Variants in PARD6G observed in about 807,000 individuals in gnomAD.
PARD6G encodes the protein par-6 family cell polarity regulator gamma.
PARD6G carries 7 observed loss-of-function variants against 10.7 expected under a neutral mutation model. The observed-to-expected ratio is 0.66, with a 90% CI of 0.37 to 1.23. PARD6G has a LOEUF of 1.23. Ranked by LOEUF, PARD6G falls within the 50% of genes most tolerant of loss-of-function variation. The pLI is 0.02. For missense variants in PARD6G, 548 were observed against 571.8 expected, an observed-to-expected ratio of 0.96 and a Z score of 0.42; for synonymous variants, 287 against 269.4, an observed-to-expected ratio of 1.07 and a Z score of -0.64.
chr18:80,179,353 C>T (rs1270702149), intron 2 of PARD6G, among the ~76,000 whole-genome samples: 3 of 152,072 alleles, frequency 2.0e-5, no homozygotes, highest in Non-Finnish European at 4.4e-5. Flanking sequence ...ATGAGCTCAT[C>T]TCTGGAGGCC....
chr18:80,206,100 A>G (rs1967051445), intron 1 of PARD6G, among the ~76,000 whole-genome samples: 3 of 152,232 alleles, frequency 2.0e-5, no homozygotes, highest in Admixed American at 2.0e-4. Flanking sequence ...AGTACGTTCA[A>G]TAATTTTCTC....
chr18:80,235,389 G>A, intron 1 of PARD6G, among the ~76,000 whole-genome samples: 1 of 151,990 alleles, frequency 6.6e-6, no homozygotes, highest in South Asian at 2.1e-4. Flanking sequence ...AGCACTAAAT[G>A]CCCACAGGAG....
chr18:80,216,533 G>T (rs573925192), intron 1 of PARD6G, among the ~76,000 whole-genome samples: 22 of 152,018 alleles, frequency 1.4e-4, no homozygotes, highest in African/African-American at 5.1e-4. Context: ...GAATTAAAAA[G>T]AAATCACAGA....
intron 1 of PARD6G, among the ~76,000 whole-genome samples, chr18:80,208,316 C>A (rs1190618042): frequency 1.3e-5 from 2 of 152,136 alleles, no homozygotes; most frequent in Non-Finnish European, 2.9e-5. Context: ...TTTCAAAATT[C>A]TTTCAGGCTT....
intron 1 of PARD6G, among the ~76,000 whole-genome samples, chr18:80,233,286 A>G (rs1967380096): frequency 6.6e-6 from 1 of 152,168 alleles, no homozygotes; most frequent in Non-Finnish European, 1.5e-5. Flanking sequence ...TTCAGCATCA[A>G]TCACTCATGT....
chr18:80,238,500 A>AC (rs1013820387), intron 1 of PARD6G, among the ~76,000 whole-genome samples: 22 of 152,108 alleles, frequency 1.4e-4, no homozygotes, highest in Non-Finnish European at 2.1e-4. Flanking sequence ...ACAAAAAAAA[A>AC]AACAACTATT....
intron 1 of PARD6G, among the ~76,000 whole-genome samples, chr18:80,238,704 C>G (rs1396669155): frequency 6.6e-6 from 1 of 152,046 alleles, no homozygotes; most frequent in Non-Finnish European, 1.5e-5. Context: ...CTGTAATACA[C>G]TCACTGAACA....
chr18:80,164,152 C>T (rs1427401508), intron 2 of PARD6G, among the ~76,000 whole-genome samples: 1 of 152,188 alleles, frequency 6.6e-6, no homozygotes, highest in Admixed American at 6.5e-5. Context: ...GAGCCTGGAC[C>T]CTCACCTCCT....
chr18:80,181,601 T>TC lies in PARD6G; in HGVS notation c.296-20996dup, dbSNP rs1314472276. ...CAGCAGATCGGATCTACCTCCCCTC[T>TC]CCCAACAAGGAGGGTCTCCTCCCCA... On this transcript the variant is annotated intron_variant, in intron 2 of 2. Coordinates refer to ENST00000353265, the MANE Select transcript of PARD6G (RefSeq NM_032510.4). The surrounding 1 kb of genome is among the most constrained non-coding windows in gnomAD (Gnocchi z 7.9). Among the ~76,000 whole-genome samples, 1 of 151,908 alleles carries TC rather than the reference T, an allele frequency of 6.6e-6. No homozygotes were observed. The highest frequency in any genetic ancestry group is 1.5e-5 in the Non-Finnish European group (1 of 67,956).
chr18:80,206,374 G>T (rs1348523422), intron 1 of PARD6G, among the ~76,000 whole-genome samples: 1 of 152,174 alleles, frequency 6.6e-6, no homozygotes, highest in East Asian at 1.9e-4. Flanking sequence ...GATTAAACAA[G>T]AGTCCTCTAA....
At chr18:80,229,158 T>C (rs1212742697) in intron 1 of PARD6G, among the ~76,000 whole-genome samples, 2 of 152,144 alleles carry the variant, frequency 1.3e-5, no homozygotes, top group Non-Finnish European at 2.9e-5. Context: ...CAGGCTGGTC[T>C]TGCACTCCTG....
chr18:80,242,375 T>C (rs961762837), intron 1 of PARD6G, among the ~76,000 whole-genome samples: 3 of 152,230 alleles, frequency 2.0e-5, no homozygotes, highest in Admixed American at 6.5e-5. Flanking sequence ...AGGCCTGGCC[T>C]CAGCTCCATC....
chr18:80,187,442 T>G (rs4799141), intron 2 of PARD6G, among the ~76,000 whole-genome samples: 1 of 152,084 alleles, frequency 6.6e-6, no homozygotes, highest in African/African-American at 2.4e-5. Context: ...CATGTAACCA[T>G]GAGCTTCAGC....
At chr18:80,197,497 C>T (rs1341970786) in intron 2 of PARD6G, 1 of 152,200 alleles carries the variant, frequency 6.6e-6, no homozygotes, top group Non-Finnish European at 1.5e-5. Context: ...CAGCCATACG[C>T]AAACGGGCAA....
chr18:80,206,096 T>C (rs1268002654), intron 1 of PARD6G, among the ~76,000 whole-genome samples: 1 of 152,212 alleles, frequency 6.6e-6, no homozygotes, highest in Non-Finnish European at 1.5e-5. Flanking sequence ...TCTCAGTACG[T>C]TCAATAATTT....
intron 2 of PARD6G, among the ~76,000 whole-genome samples, chr18:80,186,189 C>A (rs2052875897): frequency 6.7e-6 from 1 of 148,216 alleles, no homozygotes; most frequent in Non-Finnish European, 1.5e-5. Context: ...CACACATGCA[C>A]CCTCACACAC....
In PARD6G at chr18:80,188,830, C is replaced by A. The variant is rs149430222; in HGVS notation, c.295+13880G>T. ...GAGACAAGCCCACGAGATGGGCTTGCGGGGAAGTCAGGCGGGTGCAATCCC... is the reference window on the plus strand; with the variant it reads ...GAGACAAGCCCACGAGATGGGCTTGAGGGGAAGTCAGGCGGGTGCAATCCC... On this transcript the variant is annotated intron_variant, in intron 2 of 2. Coordinates refer to ENST00000353265, the MANE Select transcript of PARD6G (RefSeq NM_032510.4). The surrounding 1 kb of genome is among the most constrained non-coding windows in gnomAD (Gnocchi z 5.4). 2.0e-4 allele frequency among the ~76,000 whole-genome samples: 30 copies of A among 152,134 alleles called. No individual in the cohort carries two copies. Among genetic ancestry groups the A allele is most frequent in the Non-Finnish European group, 4.0e-4 (27 of 68,020 alleles).
rs751221732 is a variant in PARD6G at position 80,182,971 on chromosome 18, C to G, written c.295+19739G>C. 1.3e-4 allele frequency: 83 copies of G among 631,350 alleles called. No homozygotes were observed. The highest frequency in any genetic ancestry group is 4.1e-4 in the Middle Eastern group (1 of 2,418). The allele number at this position is 631,350 out of a possible 1,614,324, so 39.1% of individuals were successfully genotyped here. A position where few individuals can be genotyped will look rare whatever the true frequency, so the allele number is the denominator to read the frequency against. On this transcript the variant is annotated intron_variant, in intron 2 of 2. Coordinates refer to ENST00000353265, the MANE Select transcript of PARD6G (RefSeq NM_032510.4). This position sits in a 1 kb window ranked among gnomAD's most constrained non-coding sequence, Gnocchi z 4.5. The stretch of plus-strand genomic sequence containing the variant: ...CACGCAGCCAGACGCCCCTCCCAGT[C>G]CTCCTTCGTCCTGACGTGGCTCCCA...
chr18:80,164,476 C>T (rs2052722126), intron 2 of PARD6G, among the ~76,000 whole-genome samples: 2 of 152,226 alleles, frequency 1.3e-5, no homozygotes, highest in Non-Finnish European at 2.9e-5. Context: ...CCACACTGCT[C>T]TTCACGTCAC....
Sources: gnomAD v4.1 joint callset for allele counts (sites outside exome capture counted in the v4.1 genomes callset) on GRCh38, gnomAD v4.1.1 for gene constraint, Gnocchi (gnomAD v3.1) non-coding constraint, MANE v1.5 for transcripts, NCBI Gene and HGNC (gene_info 2026-07-23, HGNC 2026-07-21) for gene names.